Variants in PDE4D observed in about 807,000 individuals in gnomAD.
PDE4D encodes 3',5'-cyclic-AMP phosphodiesterase 4D.
PDE4D carries 24 observed loss-of-function variants against 87.4 expected under a neutral mutation model. That is an observed-to-expected ratio of 0.27 (90% confidence interval 0.20 to 0.39). The LOEUF (loss-of-function observed/expected upper bound fraction) is 0.39, where lower values mean the gene tolerates loss of function less well. PDE4D is among the 10% of genes least tolerant of loss of function. The pLI, the probability that PDE4D is intolerant of heterozygous loss-of-function variation, is 1.00. For synonymous variants in PDE4D, 384 were observed against 383.2 expected (o/e 1.00, Z -0.02); for missense variants, 714 against 1,041.0 (o/e 0.69, Z 4.32).
chr5:59,912,847 A>G (rs1753603280), intron 3 of PDE4D, among the ~76,000 whole-genome samples: 1 of 152,244 alleles, frequency 6.6e-6, no homozygotes, highest in Non-Finnish European at 1.5e-5. Flanking sequence ...CTAAAAACAA[A>G]CACTTCAGAA....
chr5:59,637,805 A>G (rs1171755934), intron 1 of PDE4D, among the ~76,000 whole-genome samples: 1 of 152,186 alleles, frequency 6.6e-6, no homozygotes, highest in Non-Finnish European at 1.5e-5. Flanking sequence ...AATGTAGATG[A>G]TGAGTTGATG....
At chr5:59,308,336 TA>T (rs1425565264) in intron 1 of PDE4D, among the ~76,000 whole-genome samples, 6 of 148,848 alleles carry the variant, frequency 4.0e-5, no homozygotes, top group African/African-American at 4.9e-5. Flanking sequence ...AATAATAATT[TA>T]AAAAAAAAAG....
chr5:59,880,955 A>G (rs1486949990), intron 1 of PDE4D, among the ~76,000 whole-genome samples: 1 of 152,204 alleles, frequency 6.6e-6, no homozygotes, highest in Non-Finnish European at 1.5e-5. Flanking sequence ...AGTAATGACT[A>G]TCTAACAGCT....
chr5:59,354,129 T>A (rs1331004184), intron 1 of PDE4D, among the ~76,000 whole-genome samples: 1 of 151,820 alleles, frequency 6.6e-6, no homozygotes, highest in Admixed American at 6.6e-5. Context: ...CAAAGAAAAA[T>A]GACACTACAA....
At chr5:59,474,209 ATTTCT>A (rs569260708) in intron 1 of PDE4D, among the ~76,000 whole-genome samples, 2 of 152,202 alleles carry the variant, frequency 1.3e-5, no homozygotes, top group East Asian at 1.9e-4. Context: ...CTAGTATTTT[ATTTCT>A]TTTAAGTTCA....
At chr5:59,625,480 T>C (rs141923598) in intron 1 of PDE4D, among the ~76,000 whole-genome samples, 12 of 152,128 alleles carry the variant, frequency 7.9e-5, no homozygotes, top group African/African-American at 2.9e-4. Context: ...TATCCTGAAT[T>C]TCTGACCTAA....
chr5:60,503,261 T>C (rs893170955), intron 1 of PDE4D, among the ~76,000 whole-genome samples: 1 of 152,134 alleles, frequency 6.6e-6, no homozygotes, highest in Admixed American at 6.6e-5. Flanking sequence ...CAGAATACCC[T>C]ATAGACAGAA....
At chr5:59,975,524 T>C (rs1376195927) in intron 3 of PDE4D, among the ~76,000 whole-genome samples, 1 of 152,210 alleles carries the variant, frequency 6.6e-6, no homozygotes, top group Non-Finnish European at 1.5e-5. Flanking sequence ...CCAGCTAAGT[T>C]GCCACAATTC....
intron 1 of PDE4D, among the ~76,000 whole-genome samples, chr5:60,399,506 A>G (rs1355096910): frequency 6.6e-6 from 1 of 152,244 alleles, no homozygotes; most frequent in African/African-American, 2.4e-5. Flanking sequence ...AGCAGTCAAG[A>G]TAGCCAGATT....
intron 1 of PDE4D, among the ~76,000 whole-genome samples, chr5:59,447,690 T>A (rs988055671): frequency 1.3e-5 from 2 of 152,240 alleles, no homozygotes; most frequent in African/African-American, 4.8e-5. Context: ...GTAATTAATT[T>A]GAAAGAATCT....
chr5:60,021,750 G>A (rs1234515844), intron 2 of PDE4D: 1 of 152,198 alleles, frequency 6.6e-6, no homozygotes, highest in African/African-American at 2.4e-5. Flanking sequence ...TCTAACCAGT[G>A]TTCTTCCTCT....
intron 5 of PDE4D, among the ~76,000 whole-genome samples, chr5:59,124,583 C>T (rs964713122): frequency 4.6e-5 from 7 of 152,146 alleles, no homozygotes; most frequent in Non-Finnish European, 7.3e-5. Flanking sequence ...GCTGATCTAT[C>T]GCTACCTGTC....
chr5:60,459,790 G>A, intron 1 of PDE4D: 1 of 502,680 alleles, frequency 2.0e-6, no homozygotes. Flanking sequence ...ACTGGAACTT[G>A]CTCCCAGGGA....
intron 5 of PDE4D, among the ~76,000 whole-genome samples, chr5:59,110,023 C>T (rs750374287): frequency 1.3e-5 from 2 of 152,146 alleles, no homozygotes; most frequent in African/African-American, 4.8e-5. Context: ...TGCTCACATG[C>T]ATGTCCTAGG....
intron 1 of PDE4D, among the ~76,000 whole-genome samples, chr5:60,406,659 A>C (rs1174113898): frequency 1.3e-5 from 2 of 152,204 alleles, no homozygotes; most frequent in Non-Finnish European, 2.9e-5. Flanking sequence ...TAAAACTCCC[A>C]AAATAGTAAT....
At position 58,974,561 on chromosome 5, in the gene PDE4D, G is replaced by T; in HGVS notation, c.*103C>A. On this transcript the variant is annotated 3_prime_UTR_variant, in exon 15 of 15. Transcript: ENST00000340635. ...GTCAGTTTTGTTCAACAAACGTCCT[G>T]GCAGATGACAGTGAGGTGTGACCGT... 9.1e-7 allele frequency: 1 copy of T among 1,104,876 alleles called. No individual in the cohort carries two copies. Among genetic ancestry groups the T allele is most frequent in the Non-Finnish European group, 1.3e-6 (1 of 774,566 alleles). 68.4% of individuals were successfully genotyped at this position (1,104,876 alleles called of 1,614,324 possible). A position where few individuals can be genotyped will look rare whatever the true frequency, so the allele number is the denominator to read the frequency against.
At chr5:59,528,146 G>A (rs1024083002) in intron 1 of PDE4D, among the ~76,000 whole-genome samples, 1 of 152,154 alleles carries the variant, frequency 6.6e-6, no homozygotes, top group African/African-American at 2.4e-5. Flanking sequence ...GTGATTAAGT[G>A]ACATAGTGCA....
chr5:59,708,352 C>A (rs1043513105), intron 1 of PDE4D, among the ~76,000 whole-genome samples: 2 of 151,882 alleles, frequency 1.3e-5, no homozygotes, highest in African/African-American at 4.8e-5. Context: ...ACATGAAAAG[C>A]CCTTTGAAAA....
At chr5:59,572,581 C>T (rs1320561772) in intron 1 of PDE4D, among the ~76,000 whole-genome samples, 2 of 152,102 alleles carry the variant, frequency 1.3e-5, no homozygotes, top group African/African-American at 2.4e-5. Flanking sequence ...CCCGGGTTCA[C>T]GCCATTCTCC....
Sources: allele counts gnomAD v4.1 joint callset (sites outside exome capture counted in the v4.1 genomes callset), GRCh38; gene constraint gnomAD v4.1.1; transcripts MANE v1.5; gene names NCBI Gene and HGNC (gene_info 2026-07-23, HGNC 2026-07-21).